Variants in NEK10 observed in about 807,000 individuals in gnomAD.
NEK10 encodes the protein NIMA related kinase 10.
Under a neutral mutation model 159.8 loss-of-function variants are expected in NEK10, and 122 were observed. That is an observed-to-expected ratio of 0.76 (90% CI 0.66 to 0.89). The LOEUF is 0.89. Ranked by LOEUF, NEK10 falls within the 40% of genes least tolerant of loss-of-function variation. The pLI is 0.00. For synonymous variants in NEK10, 466 were observed against 457.1 expected (o/e 1.02, Z -0.25); for missense variants, 1,342 against 1,323.1 (o/e 1.01, Z -0.22).
At chr3:27,144,664 T>G (rs1161485272) in intron 30 of NEK10, among the ~76,000 whole-genome samples, 2 of 152,178 alleles carry the variant, frequency 1.3e-5, no homozygotes, top group Non-Finnish European at 2.9e-5. Flanking sequence ...TATCCATAGT[T>G]CTTTGTTCTT....
At chr3:27,229,473 C>T (rs1298900072) in intron 23 of NEK10, among the ~76,000 whole-genome samples, 1 of 152,070 alleles carries the variant, frequency 6.6e-6, no homozygotes, top group Admixed American at 6.6e-5. Context: ...TTCTATAACA[C>T]CCCCAAAAGA....
chr3:27,220,485 A>G (rs1459016566), intron 23 of NEK10, among the ~76,000 whole-genome samples: 1 of 152,178 alleles, frequency 6.6e-6, no homozygotes, highest in Non-Finnish European at 1.5e-5. Flanking sequence ...CAGTAGCCTC[A>G]AATCCATCTG....
chr3:27,340,711 AT>A (rs1365339058), intron 5 of NEK10, among the ~76,000 whole-genome samples: 1 of 152,194 alleles, frequency 6.6e-6, no homozygotes, highest in Non-Finnish European at 1.5e-5. Context: ...AAACTAACAG[AT>A]GAGGATGTGG....
rs552442070 is a variant in NEK10 at position 27,176,824 on chromosome 3, A to C, written c.2506-1991T>G. Among the ~76,000 whole-genome samples, 264 of 152,358 alleles carry C rather than the reference A, an allele frequency of 1.7e-3. 5 individuals are homozygous for C. In the South Asian group the frequency reaches 0.02, roughly 12 times the overall value. On this transcript the variant is annotated intron_variant, in intron 26 of 35. Transcript: ENST00000691995. ...TGTGTCAACATTACCAAGGTTGAAA[A>C]AAGATGAAGGAGAATTTTTGAATTG...
rs191892620 is a variant in NEK10, at chr3:27,368,829, G to A, written c.-38+396C>T. ...TAGGGCAGAAAAGCAGAGGGGCAAAGTCAAAGCAGCATCCTGTAAGGAGAA... is the reference window on the plus strand; with the variant it reads ...TAGGGCAGAAAAGCAGAGGGGCAAAATCAAAGCAGCATCCTGTAAGGAGAA... On this transcript the variant is annotated intron_variant, in intron 1 of 35. Coordinates refer to ENST00000691995, the MANE Select transcript of NEK10 (RefSeq NM_001394966.1). Among the ~76,000 whole-genome samples, 4 of 152,264 alleles carry A rather than the reference G, an allele frequency of 2.6e-5. No individual in the cohort carries two copies. In the East Asian group the frequency reaches 5.8e-4, roughly 22 times the overall value.
At chr3:27,184,188 A>G (rs897451001) in intron 26 of NEK10, among the ~76,000 whole-genome samples, 5 of 152,206 alleles carry the variant, frequency 3.3e-5, no homozygotes, top group Admixed American at 2.0e-4. Context: ...GTAAGTGTTC[A>G]TCAACAGGAC....
At chr3:27,215,145 A>T in intron 23 of NEK10, 1 of 347,632 alleles carries the variant, frequency 2.9e-6, no homozygotes, top group Non-Finnish European at 5.4e-6. Flanking sequence ...GGCTCTTAAC[A>T]CCATCAAAAT....
intron 30 of NEK10, among the ~76,000 whole-genome samples, chr3:27,153,844 A>T (rs2148762281): frequency 6.6e-6 from 1 of 152,328 alleles, no homozygotes; most frequent in Middle Eastern, 3.4e-3. Flanking sequence ...AAACAACTAC[A>T]TCGAAAAGAC....
At chr3:27,282,548 A>ATATATATATATATATATACATAACTGTGT in intron 22 of NEK10, among the ~76,000 whole-genome samples, 1 of 100,560 alleles carries the variant, frequency 9.9e-6, no homozygotes, top group African/African-American at 4.0e-5. Flanking sequence ...TTATATATAT[A>ATATATATATATATATATACATAACTGTGT]TATATATATA....
At chr3:27,263,532 C>T (rs146044732) in intron 22 of NEK10, among the ~76,000 whole-genome samples, 6,600 of 152,314 alleles carry the variant, frequency 0.043, 216 homozygotes, top group African/African-American at 0.082. Flanking sequence ...ACCCCTCCCC[C>T]AGCCTCGCTG....
At chr3:27,302,759 C>T (rs1253871123) in intron 12 of NEK10, among the ~76,000 whole-genome samples, 2 of 152,140 alleles carry the variant, frequency 1.3e-5, no homozygotes, top group African/African-American at 2.4e-5. Context: ...CCTCTCATGT[C>T]ATCTGGGTCC....
chr3:27,209,389 A>G (rs1398147947), intron 23 of NEK10, among the ~76,000 whole-genome samples: 1 of 152,238 alleles, frequency 6.6e-6, no homozygotes, highest in Non-Finnish European at 1.5e-5. Flanking sequence ...TTACAAAAAT[A>G]GCAAAGCAGG....
chr3:27,352,958 G>T, intron 1 of NEK10, 39 bp from the exon 2 acceptor site: 2 of 983,122 alleles, frequency 2.0e-6, no homozygotes, highest in Non-Finnish European at 3.2e-6. Flanking sequence ...TAGTTGGGTT[G>T]CGTGTGCCAA....
intron 23 of NEK10, among the ~76,000 whole-genome samples, chr3:27,250,320 G>C (rs1464415220): frequency 6.6e-6 from 1 of 151,884 alleles, no homozygotes; most frequent in Admixed American, 6.6e-5. Flanking sequence ...CCAAGTAGCT[G>C]GGACTACAGG....
intron 30 of NEK10, among the ~76,000 whole-genome samples, chr3:27,156,985 A>G (rs1429236172): frequency 8.9e-6 from 1 of 112,304 alleles, no homozygotes; most frequent in Non-Finnish European, 1.9e-5. Flanking sequence ...TATATGATGA[A>G]ATACTACTCA....
At chr3:27,259,677 G>A (rs1344632835) in intron 22 of NEK10, among the ~76,000 whole-genome samples, 1 of 152,216 alleles carries the variant, frequency 6.6e-6, no homozygotes, top group South Asian at 2.1e-4. Context: ...TGTTCTTTTG[G>A]CTTAGGATTG....
chr3:27,278,378 A>G (rs1490413172), intron 22 of NEK10, among the ~76,000 whole-genome samples: 1 of 152,242 alleles, frequency 6.6e-6, no homozygotes, highest in Non-Finnish European at 1.5e-5. Flanking sequence ...TGCTGAGTGA[A>G]TAACAGACGT....
intron 2 of NEK10, 99 bp downstream of exon 2, chr3:27,352,713 T>C: frequency 2.3e-6 from 2 of 870,392 alleles, no homozygotes; most frequent in Non-Finnish European, 3.8e-6. Flanking sequence ...CTCTGAATAG[T>C]AGTTGTCAAG....
intron 5 of NEK10, among the ~76,000 whole-genome samples, chr3:27,334,186 G>A (rs1402791122): frequency 6.6e-6 from 1 of 152,174 alleles, no homozygotes; most frequent in Admixed American, 6.5e-5. Context: ...TACCCACCAA[G>A]CCACTACAAC....
Sources: gnomAD v4.1 joint callset for allele counts (sites outside exome capture counted in the v4.1 genomes callset) on GRCh38, gnomAD v4.1.1 for gene constraint, MANE v1.5 for transcripts, NCBI Gene and HGNC (gene_info 2026-07-23, HGNC 2026-07-21) for gene names.